The following PIAS1 variants were observed in gnomAD, a reference collection of about 807,000 sequenced individuals.
PIAS1 encodes the protein protein inhibitor of activated STAT 1, also known as E3 SUMO-protein ligase PIAS1.
In PIAS1, 6 loss-of-function variants were observed where a neutral mutation model predicts 71.3. That is an observed-to-expected ratio of 0.08 (90% CI 0.05 to 0.17). The LOEUF is 0.17. Ranked by LOEUF, PIAS1 falls within the 10% of genes least tolerant of loss-of-function variation. The pLI, the probability that PIAS1 is intolerant of heterozygous loss-of-function variation, is 1.00. For synonymous variants in PIAS1, 303 were observed against 292.9 expected (o/e 1.03, Z -0.35); for missense variants, 555 against 793.6 (o/e 0.70, Z 3.61).
chr15:68,163,082 G>C (rs1389606425), intron 7 of PIAS1, among the ~76,000 whole-genome samples: 1 of 152,256 alleles, frequency 6.6e-6, no homozygotes, highest in East Asian at 1.9e-4. Flanking sequence ...CAGCTATGTA[G>C]GTAGCCCTTC....
chr15:68,084,818 A>G (rs372045726), intron 1 of PIAS1, among the ~76,000 whole-genome samples: 123 of 152,328 alleles, frequency 8.1e-4, no homozygotes, highest in African/African-American at 2.8e-3. Flanking sequence ...GAAAATTACA[A>G]TAAAGCAAAA....
At position 68,173,528 on chromosome 15, in the gene PIAS1, G is replaced by A. The variant is rs2093004221; in HGVS notation, c.1009-204G>A. The stretch of plus-strand genomic sequence containing the variant: ...GTTGTAGACTTTCCATAGTCATTTT[G>A]TTTGATAGCCAAAGAAATACTGTCA... On this transcript the variant is annotated intron_variant, in intron 8 of 13. Transcript: ENST00000249636. The surrounding 1 kb of genome is among the most constrained non-coding windows in gnomAD (Gnocchi z 4.3). 6.6e-6 allele frequency among the ~76,000 whole-genome samples: 1 copy of A among 152,150 alleles called. No homozygotes were observed. Among genetic ancestry groups the A allele is most frequent in the Admixed American group, 6.5e-5 (1 of 15,284 alleles).
intron 7 of PIAS1, among the ~76,000 whole-genome samples, chr15:68,161,954 T>C (rs1414877749): frequency 4.0e-5 from 6 of 151,498 alleles, no homozygotes; most frequent in East Asian, 4.0e-4. Flanking sequence ...TTCTTGTCGT[T>C]GTTGAGACAG....
At chr15:68,111,317 AT>A (rs1412649154) in intron 2 of PIAS1, among the ~76,000 whole-genome samples, 1 of 152,212 alleles carries the variant, frequency 6.6e-6, no homozygotes, top group Admixed American at 6.5e-5. Context: ...TGTGTTAGGC[AT>A]CATGACTAAA....
Position 68,074,986 on chromosome 15 carries a change from A to G in PIAS1, c.25-11320A>G, listed in dbSNP as rs62002453. ...CCATAAATTTCACGAAGAATGTGTA[A>G]TATGTTTTCATGAGCCTCACCTTGA... On this transcript the variant is annotated intron_variant, in intron 1 of 13. Transcript: ENST00000249636. 2.6e-3 allele frequency among the ~76,000 whole-genome samples: 389 copies of G among 151,486 alleles called. 13 individuals are homozygous for G. The East Asian group carries it at 0.062, about 24-fold the overall frequency.
intron 2 of PIAS1, among the ~76,000 whole-genome samples, chr15:68,106,430 C>T (rs1381796181): frequency 6.6e-6 from 1 of 150,906 alleles, no homozygotes; most frequent in Non-Finnish European, 1.5e-5. Flanking sequence ...TGCTTCTAGA[C>T]CTTCTAAATT....
At chr15:68,090,813 A>C (rs747414653) in intron 2 of PIAS1, among the ~76,000 whole-genome samples, 5 of 152,146 alleles carry the variant, frequency 3.3e-5, no homozygotes, top group African/African-American at 9.7e-5. Flanking sequence ...AATTTTCCCT[A>C]ATTACAAAAA....
rs2092963016 is a variant in PIAS1, at chr15:68,167,193, G to GTA, written c.1008+2390_1008+2391insAT. Among the ~76,000 whole-genome samples the GTA allele has an allele frequency of 6.7e-6, 1 of 149,094 alleles. No homozygotes were observed. The highest frequency in any genetic ancestry group is 2.5e-5 in the African/African-American group (1 of 40,536). The stretch of plus-strand genomic sequence containing the variant: ...AACAAAACAACTATATATGTATATT[G>GTA]TGTGTGTGTGTGTGTGTGTGTATGT... On this transcript the variant is annotated intron_variant, in intron 8 of 13. Transcript: ENST00000249636. The surrounding 1 kb of genome is among the most constrained non-coding windows in gnomAD (Gnocchi z 4.4).
intron 7 of PIAS1, chr15:68,154,085 T>C (rs944252854): frequency 6.2e-6 from 1 of 161,656 alleles, no homozygotes; most frequent in African/African-American, 2.4e-5. Flanking sequence ...AGAGAGCCAG[T>C]GGGGTGGTAG....
rs188410269 is a variant in PIAS1, at chr15:68,107,606, C to T, written c.469+20856C>T. Among the ~76,000 whole-genome samples the T allele has an allele frequency of 2.6e-4, 40 of 152,180 alleles. 1 individual carries two copies. In the East Asian group the frequency reaches 3.3e-3, roughly 12 times the overall value. ...GCTACTCAATTTTTAATACTTTACCCTTATACTTTCATTTGAAAAAGAAAT... is the reference window on the plus strand; with the variant it reads ...GCTACTCAATTTTTAATACTTTACCTTTATACTTTCATTTGAAAAAGAAAT... On this transcript the variant is annotated intron_variant, in intron 2 of 13. Transcript: ENST00000249636.
intron 8 of PIAS1, among the ~76,000 whole-genome samples, chr15:68,166,406 G>T (rs1202776135): frequency 5.9e-5 from 9 of 151,396 alleles, no homozygotes; most frequent in Non-Finnish European, 2.9e-5. Flanking sequence ...GGAAGTAGAG[G>T]GTGAGAAAAA....
At chr15:68,168,325 T>C (rs2092969904) in intron 8 of PIAS1, among the ~76,000 whole-genome samples, 1 of 152,172 alleles carries the variant, frequency 6.6e-6, no homozygotes, top group South Asian at 2.1e-4. Flanking sequence ...ATTTTTAATG[T>C]CACACTTTTT....
chr15:68,154,970 C>T (rs554803746), intron 7 of PIAS1, among the ~76,000 whole-genome samples: 8 of 152,156 alleles, frequency 5.3e-5, no homozygotes, highest in Non-Finnish European at 1.2e-4. Context: ...GTATTTGCCT[C>T]ACAATACTAG....
chr15:68,181,544 G>T (rs2093053472), intron 12 of PIAS1, 190 bp downstream of exon 12: 2 of 531,060 alleles, frequency 3.8e-6, no homozygotes, highest in Admixed American at 3.2e-5. Context: ...ACTGTCATCA[G>T]TAGCCAGTGT....
At chr15:68,117,760 G>T (rs1196586651) in intron 2 of PIAS1, among the ~76,000 whole-genome samples, 2 of 152,086 alleles carry the variant, frequency 1.3e-5, no homozygotes, top group Non-Finnish European at 2.9e-5. Context: ...TCGTCTCTCT[G>T]TGGACATTTA....
chr15:68,151,153 ATC>A (rs2092841113), intron 6 of PIAS1, among the ~76,000 whole-genome samples: 1 of 151,880 alleles, frequency 6.6e-6, no homozygotes, highest in South Asian at 2.1e-4. Context: ...CTAGAAAAGA[ATC>A]TCTGTCACTA....
At chr15:68,118,328 A>G (rs1002708092) in intron 2 of PIAS1, among the ~76,000 whole-genome samples, 2 of 150,784 alleles carry the variant, frequency 1.3e-5, no homozygotes, top group Admixed American at 1.3e-4. Flanking sequence ...CTCAAAAAAA[A>G]AAAAAAAATA....
rs1382576327 is a variant in PIAS1, at chr15:68,168,012, A to G, written c.1008+3208A>G. 2.7e-5 allele frequency among the ~76,000 whole-genome samples: 4 copies of G among 148,724 alleles called. No homozygotes were observed. In the East Asian group the frequency reaches 8.0e-4, roughly 30 times the overall value. ...GTGAGCCACCACTCCCAGCCTTTTT[A>G]AAATTTTATTTTTTGAGACAGAGTC... is the stretch of plus-strand genomic sequence containing the variant. On this transcript the variant is annotated intron_variant, in intron 8 of 13. Transcript: ENST00000249636.
chr15:68,067,466 A>T (rs769190063), intron 1 of PIAS1, among the ~76,000 whole-genome samples: 1 of 151,178 alleles, frequency 6.6e-6, no homozygotes, highest in African/African-American at 2.4e-5. Context: ...TGGATTAAAG[A>T]TTTTTCTTTT....
Sources: gnomAD v4.1 joint callset for allele counts (sites outside exome capture counted in the v4.1 genomes callset) on GRCh38, gnomAD v4.1.1 for gene constraint, Gnocchi (gnomAD v3.1) non-coding constraint, MANE v1.5 for transcripts, NCBI Gene and HGNC (gene_info 2026-07-23, HGNC 2026-07-21) for gene names.